The following THAP9 variants were observed in gnomAD, a reference collection of about 807,000 sequenced individuals.
THAP9 encodes THAP domain containing 9, also known as DNA transposase THAP9.
THAP9 carries 20 observed loss-of-function variants against 35.7 expected under a neutral mutation model. The ratio of observed to expected loss-of-function variants is 0.56; its 90% CI spans 0.39 to 0.81. The LOEUF (loss-of-function observed/expected upper bound fraction) is 0.81, where lower values mean the gene tolerates loss of function less well. Among genes scored for constraint, THAP9 ranks in the 40% least tolerant of loss-of-function variants. THAP9 has a pLI of 0.00. For missense variants in THAP9, 870 were observed against 1,047.4 expected, an observed-to-expected ratio of 0.83 and a Z score of 2.34; for synonymous variants, 335 against 373.7, an observed-to-expected ratio of 0.90 and a Z score of 1.19.
chr4:82,907,916 C>A lies in THAP9; in HGVS notation c.712C>A (p.His238Asn). Residue 238 changes from histidine (H) to asparagine (N), a missense_variant, in exon 4 of 5, where the codon CAT (histidine) becomes AAT (asparagine). By Grantham distance (68) the His-to-Asn change is moderately conservative. Coordinates refer to ENST00000302236, the MANE Select transcript of THAP9 (RefSeq NM_024672.6). ...TGTAAGAAAGATTCTTAAGCTGCCT[C>A]ATTCTTCCATCCTCAGAACGTAAGT... Reference protein sequence around the residue: ...DYVRKILKLPHSSILRTWLSK... With the variant: ...DYVRKILKLPNSSILRTWLSK... 1 of 1,609,068 alleles carries A rather than the reference C, an allele frequency of 6.2e-7. No homozygotes were observed. Among genetic ancestry groups the A allele is most frequent in the South Asian group, 1.1e-5 (1 of 89,018 alleles).
intron 4 of THAP9, chr4:82,910,115 A>C (rs888626988): frequency 6.6e-6 from 1 of 151,518 alleles, no homozygotes; most frequent in Non-Finnish European, 1.5e-5. Flanking sequence ...TTCTGCGTCA[A>C]CTCCTAGATT....
chr4:82,901,041 C>T (rs191177308), intron 1 of THAP9, 159 bp downstream of exon 1: 1 of 861,452 alleles, frequency 1.2e-6, no homozygotes, highest in East Asian at 2.7e-5. Flanking sequence ...AATTGGGGCA[C>T]TGTGAGAATT....
Position 82,918,619 on chromosome 4 carries a change from A to G in THAP9, c.2407A>G (p.Ile803Val), listed in dbSNP as rs201050013. 1.2e-6 allele frequency: 2 copies of G among 1,614,114 alleles called. No individual in the cohort carries two copies. The highest frequency in any genetic ancestry group is 8.5e-7 in the Non-Finnish European group (1 of 1,179,978). Residue 803 changes from isoleucine (I) to valine (V), a missense_variant, in exon 5 of 5, where the codon ATA becomes GTA. Physicochemically the swap from Ile to Val is conservative, Grantham distance 29. This residue lies in a region of THAP9 where 414 missense variants were observed against 500.8 expected (regional missense o/e 0.83). Transcript: ENST00000302236. ...KQRELYLQQK[I>V]LCELSGHINL... Reference sequence around the variant, plus strand: ...AAGGGAATTGTATCTTCAACAGAAAATATTATGTGAGCTTTCTGGGCATAT... The same window carrying G: ...AAGGGAATTGTATCTTCAACAGAAAGTATTATGTGAGCTTTCTGGGCATAT...
In THAP9 at chr4:82,918,569, C is replaced by T. The variant is rs1326628355; in HGVS notation, c.2357C>T (p.Ala786Val). 2 of 1,613,988 alleles carry T rather than the reference C, an allele frequency of 1.2e-6. No homozygotes were observed. The highest frequency in any genetic ancestry group is 3.3e-5 in the Admixed American group (2 of 59,966). ...ERVVRTHSRM[A>V]IFELVSKQRE... is the part of the protein sequence containing the mutation. ...GTTGTAAGAACCCATTCAAGAATGG[C>T]AATTTTTGAACTAGTTTCTAAACAA... The change falls in exon 5 of 5, where the codon GCA becomes GTA. Residue 786 changes from alanine to valine, a missense_variant. Coordinates refer to ENST00000302236, the MANE Select transcript of THAP9 (RefSeq NM_024672.6).
Position 82,919,024 on chromosome 4 carries a change from G to A in THAP9, c.*100G>A, listed in dbSNP as rs2126018281. ...TATAAATTGCGCATTCTGCACAGTG[G>A]ACAAGTTTGCAATTCTGACTTATTA... On this transcript the variant is annotated 3_prime_UTR_variant, in exon 5 of 5. Transcript: ENST00000302236. 3.1e-6 allele frequency: 3 copies of A among 970,684 alleles called. No homozygotes were observed. The South Asian group carries it at 6.0e-5, about 19-fold the overall frequency. 60.1% of individuals were successfully genotyped at this position (970,684 alleles called of 1,614,324 possible).
chr4:82,906,665 A>G (rs955723996), intron 3 of THAP9, 38 bp downstream of exon 3: 4 of 1,510,386 alleles, frequency 2.6e-6, no homozygotes, highest in Admixed American at 2.3e-5. Context: ...TTACAAAAAT[A>G]GCTATTTTTC....
chr4:82,918,186 CT>C lies in THAP9; in HGVS notation c.1977del (p.Phe659LeufsTer43). The stretch of plus-strand genomic sequence containing the variant: ...AAGTTTTTCTAAGCAAAGTAAGCAT[CT>C]TTGACATTTCAATTGCTCGAAGGAA... ...DEVFLSKVSI[F>X]DISIARRKDL... is the part of the protein sequence containing the mutation. On this transcript the variant is annotated frameshift_variant, in exon 5 of 5. Transcript: ENST00000302236. LOFTEE classifies it low-confidence loss of function (END_TRUNC). The C allele has an allele frequency of 6.2e-7, 1 of 1,614,156 alleles. No homozygotes were observed. Among genetic ancestry groups the C allele is most frequent in the Non-Finnish European group, 8.5e-7 (1 of 1,180,008 alleles).
At chr4:82,911,709 C>T (rs561046942) in intron 4 of THAP9, among the ~76,000 whole-genome samples, 9 of 152,334 alleles carry the variant, frequency 5.9e-5, no homozygotes, top group African/African-American at 2.2e-4. Context: ...CACCACCACA[C>T]TCAGCAGGAA....
At chr4:82,903,585 A>G (rs1720516785) in intron 1 of THAP9, 1 of 152,524 alleles carries the variant, frequency 6.6e-6, no homozygotes, top group African/African-American at 2.4e-5. Flanking sequence ...TAATTTTTAT[A>G]ATCAAGGCTA....
chr4:82,904,594 A>G (rs1319292723), intron 1 of THAP9, 142 bp from the exon 2 acceptor site: 1 of 768,948 alleles, frequency 1.3e-6, no homozygotes, highest in South Asian at 2.6e-5. Flanking sequence ...TGAAAAATGA[A>G]CTAAGTAAAT....
At chr4:82,909,809 T>C (rs1037565654) in intron 4 of THAP9, among the ~76,000 whole-genome samples, 1 of 152,168 alleles carries the variant, frequency 6.6e-6, no homozygotes, top group African/African-American at 2.4e-5. Flanking sequence ...GTGTTGATAA[T>C]TTCTCCTCCT....
Position 82,917,023 on chromosome 4 carries a change from G to C in THAP9, c.811G>C (p.Asp271His). The C allele has an allele frequency of 1.3e-6, 2 of 1,596,104 alleles. No homozygotes were observed. Among genetic ancestry groups the C allele is most frequent in the Non-Finnish European group, 1.7e-6 (2 of 1,173,336 alleles). The change falls in exon 5 of 5, where the codon GAT becomes CAT. Residue 271 changes from aspartate to histidine, a missense_variant. Around this residue, in one of 3 missense-constraint regions of THAP9, gnomAD observed 440 missense variants for 501.2 expected, o/e 0.88. Coordinates refer to ENST00000302236, the MANE Select transcript of THAP9 (RefSeq NM_024672.6). ...SFLQRRVENG[D>H]QLYQYCSLLI... ...TCTTCAACGAAGAGTAGAGAATGGA[G>C]ATCAGCTCTATCAATACTGTTCATT...
In THAP9 at chr4:82,917,348, G is replaced by C. The variant is rs758165512; in HGVS notation, c.1136G>C (p.Ser379Thr). ...GTTACATCTGATGCCACAGCACATA[G>C]TGTTCAGATGGCAAAAGCATTGGGG... ...LAVTSDATAH[S>T]VQMAKALGIH... is the part of the protein sequence containing the mutation. Residue 379 changes from serine to threonine, a missense_variant, in exon 5 of 5, where the codon AGT becomes ACT. This residue lies in a region of THAP9 where 440 missense variants were observed against 501.2 expected (regional missense o/e 0.88). Transcript: ENST00000302236. The C allele has an allele frequency of 4.3e-5, 69 of 1,613,274 alleles. No homozygotes were observed. The highest frequency in any genetic ancestry group is 1.6e-4 in the Middle Eastern group (1 of 6,080).
chr4:82,907,271 A>G (rs577275014), intron 3 of THAP9, among the ~76,000 whole-genome samples: 2 of 152,272 alleles, frequency 1.3e-5, no homozygotes, highest in African/African-American at 2.4e-5. Context: ...AAGAGTAGCT[A>G]TCTCCAAAGG....
In THAP9 at chr4:82,918,252, C is replaced by T; in HGVS notation, c.2040C>T (p.Val680=). Residue 680 remains valine, a synonymous_variant, in exon 5 of 5, where the codon GTC becomes GTT. Transcript: ENST00000302236. ...ALWTVQRQYG[V]SVTKTVFHEE... ...GGACAGTTCAACGTCAGTATGGTGT[C>T]AGCGTTACAAAGACTGTCTTTCACG... 6.2e-7 allele frequency: 1 copy of T among 1,614,154 alleles called. No individual in the cohort carries two copies. Among genetic ancestry groups the T allele is most frequent in the Non-Finnish European group, 8.5e-7 (1 of 1,180,016 alleles).
rs72923489 is a variant in THAP9 at position 82,901,110 on chromosome 4, T to C, written c.80+228T>C. ...CTGAATAGCCGGTTCTCGCACCGCC[T>C]ACCGCTTTAAGGAGAGTTACGCGAA... is the stretch of plus-strand genomic sequence containing the variant. On this transcript the variant is annotated intron_variant, in intron 1 of 4. Coordinates refer to ENST00000302236, the MANE Select transcript of THAP9 (RefSeq NM_024672.6). 1,480 of 698,370 alleles carry C rather than the reference T, an allele frequency of 2.1e-3. 16 individuals are homozygous for C. The African/African-American group carries it at 0.024, about 11-fold the overall frequency. 43.3% of individuals were successfully genotyped at this position (698,370 alleles called of 1,614,324 possible).
intron 1 of THAP9, among the ~76,000 whole-genome samples, chr4:82,902,190 C>T (rs1720441611): frequency 1.4e-5 from 2 of 145,188 alleles, no homozygotes; most frequent in African/African-American, 5.1e-5. Flanking sequence ...CTCAGCGCAG[C>T]CTCTATCTCC....
intron 2 of THAP9, 80 bp downstream of exon 2, chr4:82,905,011 G>A: frequency 2.9e-6 from 4 of 1,363,042 alleles, no homozygotes; most frequent in Non-Finnish European, 4.0e-6. Context: ...ATTATAGCTA[G>A]AATTTGCAGA....
chr4:82,914,769 T>C (rs978808137), intron 4 of THAP9, among the ~76,000 whole-genome samples: 6 of 152,214 alleles, frequency 3.9e-5, no homozygotes, highest in Non-Finnish European at 8.8e-5. Context: ...AGGATGTCTG[T>C]TTACTGTTGA....
Sources: allele counts gnomAD v4.1 joint callset (sites outside exome capture counted in the v4.1 genomes callset), GRCh38; gene constraint gnomAD v4.1.1; regional missense constraint gnomAD v4.1.1; transcripts MANE v1.5; gene names NCBI Gene and HGNC (gene_info 2026-07-23, HGNC 2026-07-21).